TRPV3: variants seen among roughly 807,000 people sequenced by gnomAD.
The protein encoded by TRPV3 is VRL-3.
A neutral mutation model predicts 87.1 loss-of-function variants in TRPV3; 88 were observed. The ratio of observed to expected loss-of-function variants is 1.01; its 90% CI spans 0.85 to 1.21. TRPV3 has a LOEUF of 1.21. TRPV3 is among the 50% of genes most tolerant of loss of function. The pLI is 0.00. For missense variants in TRPV3, 1,054 were observed against 1,030.1 expected (o/e 1.02, Z -0.32); for synonymous variants, 438 against 423.3 (o/e 1.03, Z -0.43).
chr17:3,536,712 G>A (rs1293221666), intron 6 of TRPV3, among the ~76,000 whole-genome samples: 2 of 152,178 alleles, frequency 1.3e-5, no homozygotes, highest in African/African-American at 2.4e-5. Flanking sequence ...CAGGATGCCC[G>A]GCTGGGAAGA....
chr17:3,520,954 T>G lies in TRPV3; in HGVS notation c.1810+19A>C. On this transcript the variant is annotated intron_variant, in intron 14 of 17. Transcript: ENST00000576742. ...GTGTTTATAAATGTGGGAGTTACTATTATTTATAAATCAATTACCTACTCC... is the reference window on the plus strand; with the variant it reads ...GTGTTTATAAATGTGGGAGTTACTAGTATTTATAAATCAATTACCTACTCC... 1 of 1,515,932 alleles carries G rather than the reference T, an allele frequency of 6.6e-7. No homozygotes were observed. 93.9% of individuals were successfully genotyped at this position (1,515,932 alleles called of 1,614,324 possible). A position where few individuals can be genotyped will look rare whatever the true frequency, so the allele number is the denominator to read the frequency against.
In TRPV3 at chr17:3,544,674, G is replaced by A. The variant is rs2074505941; in HGVS notation, c.225-9C>T. ...CACAGTTACCAGAGATGCTGGAGGT[G>A]TTGGCAGGGGGAACAGAGAGGGTTT... is the stretch of plus-strand genomic sequence containing the variant. On this transcript the variant is annotated splice_polypyrimidine_tract_variant and intron_variant, in intron 3 of 17. Transcript: ENST00000576742. The A allele has an allele frequency of 6.2e-7, 1 of 1,601,888 alleles. No individual in the cohort carries two copies. Among genetic ancestry groups the A allele is most frequent in the South Asian group, 1.1e-5 (1 of 90,282 alleles).
In TRPV3 at chr17:3,528,707, A is replaced by G. The variant is rs1443425426; in HGVS notation, c.1401+130T>C. 1.0e-5 allele frequency: 11 copies of G among 1,095,592 alleles called. No homozygotes were observed. Among genetic ancestry groups the G allele is most frequent in the Admixed American group, 2.6e-5 (1 of 38,454 alleles). 67.9% of individuals were successfully genotyped at this position (1,095,592 alleles called of 1,614,324 possible). The stretch of plus-strand genomic sequence containing the variant: ...ATATTCAGTTCCCTGGGAAGCGTGA[A>G]GGACAACTGGGGGACCCCGCCCAAT... On this transcript the variant is annotated intron_variant, in intron 10 of 17. Transcript: ENST00000576742. The surrounding 1 kb of genome is among the most constrained non-coding windows in gnomAD (Gnocchi z 4.2).
Position 3,530,932 on chromosome 17 carries a change from T to C in TRPV3, c.1066-729A>G, listed in dbSNP as rs2074344036. ...TTAGCTGGGTGTGGTGGCAGGCGCC[T>C]GTAACCCCAGCTACTCAGGAGGCTG... On this transcript the variant is annotated intron_variant, in intron 8 of 17. Transcript: ENST00000576742. This position sits in a 1 kb window ranked among gnomAD's most constrained non-coding sequence, Gnocchi z 4.0. Among the ~76,000 whole-genome samples the C allele has an allele frequency of 1.3e-5, 2 of 151,968 alleles. No homozygotes were observed. Among genetic ancestry groups the C allele is most frequent in the Admixed American group, 6.6e-5 (1 of 15,250 alleles).
chr17:3,551,580 T>G (rs1490830623), intron 2 of TRPV3, among the ~76,000 whole-genome samples: 1 of 152,230 alleles, frequency 6.6e-6, no homozygotes, highest in Non-Finnish European at 1.5e-5. Flanking sequence ...AAGGAGATTG[T>G]CCATCCATTT....
chr17:3,555,734 C>T (rs537343962), intron 1 of TRPV3, among the ~76,000 whole-genome samples: 2 of 152,244 alleles, frequency 1.3e-5, no homozygotes, highest in South Asian at 2.1e-4. Context: ...AAGGACAAGC[C>T]GGGCAGAGGA....
Position 3,545,253 on chromosome 17 carries a change from C to G in TRPV3, c.138G>C (p.Glu46Asp). 6.2e-7 allele frequency: 1 copy of G among 1,613,804 alleles called. No individual in the cohort carries two copies. The highest frequency in any genetic ancestry group is 8.5e-7 in the Non-Finnish European group (1 of 1,179,816). ...TGGGGTTGGGTTCAAACCCTTCTAT[C>G]TCCAGGAAGAAGTGTGCACTGAGGG... is the stretch of plus-strand genomic sequence containing the variant. ...PTKKSAHFFLEIEGFEPNPTV... is the reference protein window; with the variant it reads ...PTKKSAHFFLDIEGFEPNPTV... Residue 46 changes from glutamate (E) to aspartate (D), a missense_variant, in exon 3 of 18, where the codon GAG becomes GAC. Physicochemically the swap from Glu to Asp is conservative, Grantham distance 45. Transcript: ENST00000576742.
intron 6 of TRPV3, among the ~76,000 whole-genome samples, chr17:3,541,021 C>T (rs1389667649): frequency 2.0e-5 from 3 of 152,222 alleles, no homozygotes; most frequent in Non-Finnish European, 4.4e-5. Context: ...ATCACAATTA[C>T]TTTCTCCCAT....
chr17:3,527,653 G>A, intron 11 of TRPV3: 1 of 277,726 alleles, frequency 3.6e-6, no homozygotes. Context: ...AAAGATGGTT[G>A]GATAAAGGAT....
intron 2 of TRPV3, among the ~76,000 whole-genome samples, chr17:3,549,761 G>A (rs1383650010): frequency 1.3e-5 from 2 of 150,662 alleles, no homozygotes; most frequent in Non-Finnish European, 3.0e-5. Flanking sequence ...TGGATGGATG[G>A]ATGGATAGAT....
intron 1 of TRPV3, among the ~76,000 whole-genome samples, chr17:3,555,055 C>T: frequency 6.6e-6 from 1 of 152,166 alleles, no homozygotes; most frequent in East Asian, 1.9e-4. Flanking sequence ...GCTCTAGCAC[C>T]CCCAAATGCT....
In TRPV3 at chr17:3,516,556, A is replaced by C; in HGVS notation, c.2099T>G (p.Ile700Ser). The C allele has an allele frequency of 6.2e-7, 1 of 1,614,006 alleles. No homozygotes were observed. Among genetic ancestry groups the C allele is most frequent in the Non-Finnish European group, 8.5e-7 (1 of 1,179,920 alleles). Reference protein sequence around the residue: ...RIWRLQRARTILEFEKMLPEW... With the variant: ...RIWRLQRARTSLEFEKMLPEW... ...TGGTAACATTTTCTCAAACTCCAAG[A>C]TGGTCCTGGCTCTCTGGGGACATAA... The change falls in exon 16 of 18, where the codon ATC becomes AGC. Residue 700 changes from isoleucine to serine, a missense_variant. Ile to Ser is a moderately radical substitution (Grantham distance 142, BLOSUM62 -2). Transcript: ENST00000576742.
In TRPV3 at chr17:3,518,557, G is replaced by A. The variant is rs968709239; in HGVS notation, c.2085+19C>T. 6.5e-7 allele frequency: 1 copy of A among 1,544,502 alleles called. No individual in the cohort carries two copies. The highest frequency in any genetic ancestry group is 1.4e-5 in the African/African-American group (1 of 73,084). ...AGTCCCGTGGAGGCCCCCACGCTGG[G>A]GTCTCCACCTAGGCTCACCTGCAGG... On this transcript the variant is annotated intron_variant, in intron 15 of 17. Transcript: ENST00000576742. The surrounding 1 kb of genome is among the most constrained non-coding windows in gnomAD (Gnocchi z 4.3).
At chr17:3,545,889 C>T (rs1344928045) in intron 2 of TRPV3, among the ~76,000 whole-genome samples, 1 of 149,084 alleles carries the variant, frequency 6.7e-6, no homozygotes, top group Non-Finnish European at 1.5e-5. Context: ...ACTCGGGAGG[C>T]TGAGACAGGA....
intron 12 of TRPV3, among the ~76,000 whole-genome samples, chr17:3,525,338 T>C (rs1376734437): frequency 1.3e-5 from 2 of 152,118 alleles, no homozygotes; most frequent in African/African-American, 4.8e-5. Flanking sequence ...TTTTAAAGTA[T>C]GATGTATGCT....
intron 13 of TRPV3, 57 bp downstream of exon 13, chr17:3,524,141 C>T: frequency 1.9e-6 from 3 of 1,591,798 alleles, no homozygotes; most frequent in South Asian, 1.1e-5. Context: ...TCAGTTTCCC[C>T]ATCTGAAAAA....
At position 3,542,574 on chromosome 17, in the gene TRPV3, G is replaced by T; in HGVS notation, c.591C>A (p.Asn197Lys). 6.2e-7 allele frequency: 1 copy of T among 1,613,964 alleles called. No homozygotes were observed. The highest frequency in any genetic ancestry group is 1.3e-5 in the African/African-American group (1 of 75,012). The change falls in exon 6 of 18, where the codon AAC (asparagine) becomes AAA (lysine). Residue 197 changes from asparagine to lysine, a missense_variant. Coordinates refer to ENST00000576742, the MANE Select transcript of TRPV3 (RefSeq NM_145068.4). The stretch of plus-strand genomic sequence containing the variant: ...CGTTGATGAACCTGCCCAGGATGTC[G>T]TTCTCTTCAGCAAAGGCAAGCAGGA... ...VRILLAFAEENDILGRFINAE... is the reference protein window; with the variant it reads ...VRILLAFAEEKDILGRFINAE...
At chr17:3,554,953 T>C (rs945402872) in intron 1 of TRPV3, 101 bp from the exon 2 acceptor site, 6 of 661,064 alleles carry the variant, frequency 9.1e-6, no homozygotes, top group Admixed American at 2.7e-5. Flanking sequence ...CCGTTCACAC[T>C]ACCTGGAACT....
chr17:3,527,031 T>G (rs2074306450), intron 11 of TRPV3, 104 bp from the exon 12 acceptor site: 1 of 894,230 alleles, frequency 1.1e-6, no homozygotes, highest in South Asian at 1.5e-5. Context: ...GAGGGTTGAA[T>G]GCACAAAGGC....
Sources: allele counts gnomAD v4.1 joint callset (sites outside exome capture counted in the v4.1 genomes callset), GRCh38; gene constraint gnomAD v4.1.1; non-coding constraint Gnocchi (gnomAD v3.1); transcripts MANE v1.5; gene names NCBI Gene and HGNC (gene_info 2026-07-23, HGNC 2026-07-21).